Variants in USP36 observed in about 807,000 individuals in gnomAD.
The protein encoded by USP36 is ubiquitin carboxyl-terminal hydrolase 36.
A neutral mutation model predicts 111.5 loss-of-function variants in USP36; 59 were observed. The observed-to-expected ratio is 0.53, with a 90% CI of 0.43 to 0.66. The LOEUF (loss-of-function observed/expected upper bound fraction) is 0.66, where lower values mean the gene tolerates loss of function less well. Among genes scored for constraint, USP36 ranks in the 30% least tolerant of loss-of-function variants. USP36 has a pLI of 0.00. For missense variants in USP36, 1,488 were observed against 1,468.0 expected, an observed-to-expected ratio of 1.01 and a Z score of -0.22; for synonymous variants, 628 against 581.0, an observed-to-expected ratio of 1.08 and a Z score of -1.16.
At chr17:78,808,399 G>A (rs2093967765) in intron 13 of USP36, among the ~76,000 whole-genome samples, 1 of 152,032 alleles carries the variant, frequency 6.6e-6, no homozygotes. Context: ...TATAGGAGTA[G>A]ACCACCACAC....
At chr17:78,805,180 GA>G (rs1376637606) in intron 15 of USP36, among the ~76,000 whole-genome samples, 4 of 152,140 alleles carry the variant, frequency 2.6e-5, no homozygotes, top group East Asian at 1.9e-4. Flanking sequence ...GGTTCCTGCA[GA>G]AAACAGGACC....
downstream of USP36, among the ~76,000 whole-genome samples, chr17:78,792,278 G>A (rs181763430): frequency 1.4e-3 from 210 of 152,198 alleles, no homozygotes; most frequent in African/African-American, 4.9e-3. Context: ...AGGGAAGAGT[G>A]AGACACGGGA....
chr17:78,804,477 A>AAAAAAC (rs1370853119), intron 15 of USP36, among the ~76,000 whole-genome samples: 17 of 107,736 alleles, frequency 1.6e-4, no homozygotes, highest in Admixed American at 5.8e-4. Flanking sequence ...AAAAAAACCA[A>AAAAAAC]AAAAACAAAA....
intron 18 of USP36, 97 bp downstream of exon 18, chr17:78,799,570 G>A (rs1441016904): frequency 9.0e-6 from 10 of 1,114,196 alleles, no homozygotes; most frequent in East Asian, 2.5e-5. Context: ...ATGCCCGCCC[G>A]CCACACTCAC....
At chr17:78,811,666 G>A (rs979526963) in intron 13 of USP36, among the ~76,000 whole-genome samples, 3 of 152,028 alleles carry the variant, frequency 2.0e-5, no homozygotes, top group Admixed American at 2.0e-4. Flanking sequence ...TCAGCAGATA[G>A]AGACCATCCT....
intron 2 of USP36, 137 bp from the exon 3 acceptor site, chr17:78,836,509 G>T: frequency 8.7e-7 from 1 of 1,151,912 alleles, no homozygotes; most frequent in Non-Finnish European, 1.2e-6. Context: ...CCCTGGATCA[G>T]CTGCACAAAG....
At chr17:78,834,345 T>C (rs2145629696) in intron 4 of USP36, among the ~76,000 whole-genome samples, 1 of 152,086 alleles carries the variant, frequency 6.6e-6, no homozygotes, top group East Asian at 1.9e-4. Flanking sequence ...TAAAAGACTC[T>C]TCACTTTCTA....
At position 78,799,043 on chromosome 17, in the gene USP36, G is replaced by A. The variant is rs371313596; in HGVS notation, c.3125-20C>T. 24 of 1,610,964 alleles carry A rather than the reference G, an allele frequency of 1.5e-5. No homozygotes were observed. Among genetic ancestry groups the A allele is most frequent in the South Asian group, 4.4e-5 (4 of 91,058 alleles). On this transcript the variant is annotated intron_variant, in intron 18 of 20. Coordinates refer to ENST00000449938, the MANE Select transcript of USP36 (RefSeq NM_001385174.1). Reference sequence around the variant, plus strand: ...TCAGAACTACCAGGCAGACACGGGGGTCAGCACGAGTGCAGGTTCCCAGGT... The same window carrying A: ...TCAGAACTACCAGGCAGACACGGGGATCAGCACGAGTGCAGGTTCCCAGGT...
chr17:78,836,434 T>G, intron 2 of USP36, 62 bp from the exon 3 acceptor site: 1 of 1,568,776 alleles, frequency 6.4e-7, no homozygotes, highest in Non-Finnish European at 8.6e-7. Context: ...AAAACATCTC[T>G]TAAGATCTCC....
rs2093639395 is a variant in USP36, at chr17:78,797,013, G to C, written c.*887C>G. The C allele has an allele frequency of 6.6e-6, 1 of 152,172 alleles. No individual in the cohort carries two copies. Among genetic ancestry groups the C allele is most frequent in the African/African-American group, 2.4e-5 (1 of 41,420 alleles). The allele number at this position is 152,172 out of a possible 1,614,324, so 9.4% of individuals were successfully genotyped here. A position where few individuals can be genotyped will look rare whatever the true frequency, so the allele number is the denominator to read the frequency against. ...GCACTCACAAAATTGAGCAAACAAA[G>C]CCACTATTTGCATATTTGGGAAAGG... On this transcript the variant is annotated 3_prime_UTR_variant, in exon 21 of 21. Coordinates refer to ENST00000449938, the MANE Select transcript of USP36 (RefSeq NM_001385174.1).
At chr17:78,837,071 C>T (rs1034753556) in intron 2 of USP36, among the ~76,000 whole-genome samples, 2 of 152,038 alleles carry the variant, frequency 1.3e-5, no homozygotes, top group African/African-American at 4.8e-5. Flanking sequence ...AGATCAGTTA[C>T]CTGTTGAAAT....
At position 78,833,473 on chromosome 17, in the gene USP36, C is replaced by T. The variant is rs540043892; in HGVS notation, c.475+1807G>A. Among the ~76,000 whole-genome samples the T allele has an allele frequency of 8.5e-5, 13 of 152,136 alleles. No homozygotes were observed. The South Asian group carries it at 2.7e-3, about 32-fold the overall frequency. On this transcript the variant is annotated intron_variant, in intron 4 of 20. Transcript: ENST00000449938. ...GTAGCAGTCACTTCTATAGCACTCC[C>T]TCTTTGCGGGCTGCTACTCCAGGCA...
chr17:78,820,922 T>C, intron 8 of USP36, 69 bp downstream of exon 8: 4 of 1,502,036 alleles, frequency 2.7e-6, no homozygotes, highest in Non-Finnish European at 2.7e-6. Context: ...TTTACTGTTC[T>C]GCGGGTTCTG....
chr17:78,826,087 G>A (rs1053204977), intron 6 of USP36, among the ~76,000 whole-genome samples: 3 of 152,168 alleles, frequency 2.0e-5, no homozygotes, highest in African/African-American at 7.2e-5. Context: ...CCAGTTCACT[G>A]AAGGGCAGAC....
At chr17:78,818,633 C>G in intron 10 of USP36, 34 bp downstream of exon 10, 1 of 1,591,832 alleles carries the variant, frequency 6.3e-7, no homozygotes, top group South Asian at 1.1e-5. Flanking sequence ...CTGTGGCCCA[C>G]GGAGCTGCCT....
chr17:78,791,599 G>A (rs2093584922), downstream of USP36, among the ~76,000 whole-genome samples: 3 of 152,110 alleles, frequency 2.0e-5, no homozygotes, highest in Non-Finnish European at 2.9e-5. Context: ...CCTCTCACAG[G>A]GCAATTTCCT....
intron 14 of USP36, 49 bp from the exon 15 acceptor site, chr17:78,806,335 C>A (rs200961471): frequency 6.2e-7 from 1 of 1,608,464 alleles, no homozygotes; most frequent in Non-Finnish European, 8.5e-7. Context: ...AAAAGGTTTC[C>A]GTGAGTGAAG....
chr17:78,818,813 A>G (rs2094249025), intron 9 of USP36, 35 bp from the exon 10 acceptor site: 1 of 1,606,952 alleles, frequency 6.2e-7, no homozygotes, highest in African/African-American at 1.3e-5. Flanking sequence ...TTAATGAATG[A>G]TTGATTCGTG....
At chr17:78,805,547 C>T (rs888169661) in intron 15 of USP36, among the ~76,000 whole-genome samples, 1 of 152,178 alleles carries the variant, frequency 6.6e-6, no homozygotes, top group African/African-American at 2.4e-5. Flanking sequence ...CGTCCCCACT[C>T]CCAGCGGCTT....
Sources: gnomAD v4.1 joint callset for allele counts (sites outside exome capture counted in the v4.1 genomes callset) on GRCh38, gnomAD v4.1.1 for gene constraint, MANE v1.5 for transcripts, NCBI Gene and HGNC (gene_info 2026-07-23, HGNC 2026-07-21) for gene names.